The following MIOS variants were observed in gnomAD, a reference collection of about 807,000 sequenced individuals.
MIOS encodes the protein meiosis regulator for oocyte development.
Under a neutral mutation model 96.9 loss-of-function variants are expected in MIOS, and 52 were observed. The observed-to-expected ratio is 0.54, with a 90% CI of 0.43 to 0.68. The LOEUF (loss-of-function observed/expected upper bound fraction) is 0.68, where lower values mean the gene tolerates loss of function less well. Ranked by LOEUF, MIOS falls within the 30% of genes least tolerant of loss-of-function variation. The pLI is 0.00. For synonymous variants in MIOS, 397 were observed against 359.5 expected (o/e 1.10, Z -1.18); for missense variants, 1,005 against 1,052.8 (o/e 0.95, Z 0.63).
chr7:7,572,379 A>G lies in MIOS; in HGVS notation c.-40-57A>G. On this transcript the variant is annotated intron_variant, in intron 3 of 12. Coordinates refer to ENST00000340080, the MANE Select transcript of MIOS (RefSeq NM_019005.4). The surrounding 1 kb of genome is among the most constrained non-coding windows in gnomAD (Gnocchi z 4.8). ...TCTGACTTTCTGAATAGTTTATTCAACGTAAGAATTATATTTTGCTGATAT... is the reference window on the plus strand; with the variant it reads ...TCTGACTTTCTGAATAGTTTATTCAGCGTAAGAATTATATTTTGCTGATAT... The G allele has an allele frequency of 1.2e-6, 1 of 862,490 alleles. No individual in the cohort carries two copies. Among genetic ancestry groups the G allele is most frequent in the East Asian group, 2.7e-5 (1 of 36,800 alleles). 53.4% of individuals were successfully genotyped at this position (862,490 alleles called of 1,614,324 possible). A position where few individuals can be genotyped will look rare whatever the true frequency, so the allele number is the denominator to read the frequency against.
chr7:7,603,988 C>T (rs1784453108), intron 11 of MIOS, among the ~76,000 whole-genome samples: 1 of 151,370 alleles, frequency 6.6e-6, no homozygotes, highest in Non-Finnish European at 1.5e-5. Context: ...CGCATGTTCT[C>T]ACTGACAGGC....
At chr7:7,594,862 C>CAA (rs58139181) in intron 9 of MIOS, 118 bp from the exon 10 acceptor site, 46,868 of 373,812 alleles carry the variant, frequency 0.13, 1,385 homozygotes, top group African/African-American at 0.26. Context: ...CAGCTTTTGG[C>CAA]AAAAAAAAAA....
chr7:7,595,654 G>A (rs781095025), intron 10 of MIOS, among the ~76,000 whole-genome samples: 2 of 152,080 alleles, frequency 1.3e-5, no homozygotes, highest in African/African-American at 2.4e-5. Flanking sequence ...ACTGGATGGT[G>A]CTATTTTCTT....
chr7:7,574,214 C>A lies in MIOS; in HGVS notation c.1393+18C>A. 1 of 1,530,984 alleles carries A rather than the reference C, an allele frequency of 6.5e-7. No homozygotes were observed. The highest frequency in any genetic ancestry group is 1.4e-5 in the African/African-American group (1 of 72,768). The allele number at this position is 1,530,984 out of a possible 1,614,324, so 94.8% of individuals were successfully genotyped here. A position where few individuals can be genotyped will look rare whatever the true frequency, so the allele number is the denominator to read the frequency against. The stretch of plus-strand genomic sequence containing the variant: ...ATCGTTGGGTAAGAAAATTCTATTT[C>A]ATTTTCTCCAATATGTTTATAACTT... On this transcript the variant is annotated intron_variant, in intron 5 of 12. Transcript: ENST00000340080.
At chr7:7,590,550 C>T (rs1583644837) in intron 9 of MIOS, among the ~76,000 whole-genome samples, 1 of 152,134 alleles carries the variant, frequency 6.6e-6, no homozygotes, top group East Asian at 1.9e-4. Flanking sequence ...TGGAGTGTTT[C>T]CTTCATTTAC....
At position 7,595,125 on chromosome 7, in the gene MIOS, T is replaced by A. The variant is rs765700105; in HGVS notation, c.2189T>A (p.Leu730Ter). Reference sequence around the variant, plus strand: ...AAGTTGGATCCCAGTTCCAAGCCTTTAGCACAAGTAAGTACATTGTTTTGG... The same window carrying A: ...AAGTTGGATCCCAGTTCCAAGCCTTAAGCACAAGTAAGTACATTGTTTTGG... Reference protein sequence around the residue: ...RSKLDPSSKPLAQVFVSCNFC... With the variant: ...RSKLDPSSKP Residue 730 changes from leucine to a stop codon, truncating the protein, a stop_gained, in exon 10 of 13, where the codon TTA becomes TAA. Coordinates refer to ENST00000340080, the MANE Select transcript of MIOS (RefSeq NM_019005.4). LOFTEE classifies it high-confidence loss of function. 6.2e-7 allele frequency: 1 copy of A among 1,610,340 alleles called. No individual in the cohort carries two copies. The highest frequency in any genetic ancestry group is 1.7e-5 in the Admixed American group (1 of 58,926).
chr7:7,601,588 C>T (rs1173479436), intron 11 of MIOS, among the ~76,000 whole-genome samples: 4 of 152,130 alleles, frequency 2.6e-5, no homozygotes, highest in Admixed American at 6.5e-5. Flanking sequence ...TAATAGCTTA[C>T]CAACCAAAAA....
chr7:7,572,912 A>T lies in MIOS; in HGVS notation c.437A>T (p.Asp146Val). The T allele has an allele frequency of 3.7e-6, 6 of 1,614,182 alleles. No homozygotes were observed. The highest frequency in any genetic ancestry group is 5.1e-6 in the Non-Finnish European group (6 of 1,180,016). Residue 146 changes from aspartate (D) to valine (V), a missense_variant, in exon 4 of 13, where the codon GAT becomes GTT. Physicochemically the swap from Asp to Val is radical, Grantham distance 152. Coordinates refer to ENST00000340080, the MANE Select transcript of MIOS (RefSeq NM_019005.4). The surrounding 1 kb of genome is among the most constrained non-coding windows in gnomAD (Gnocchi z 4.8). The stretch of plus-strand genomic sequence containing the variant: ...GCTGACTTTTCAGTGCTAATATGGG[A>T]TATCTGCAGCAAATATACTCCTGAT... The part of the protein sequence containing the change: ...HRADFSVLIW[D>V]ICSKYTPDIV...
chr7:7,595,254 C>A, intron 10 of MIOS, 122 bp downstream of exon 10: 1 of 1,071,638 alleles, frequency 9.3e-7, no homozygotes, highest in Non-Finnish European at 1.3e-6. Flanking sequence ...CTTTTGTAGA[C>A]TGAACTTTGT....
intron 5 of MIOS, chr7:7,581,790 T>A (rs1276544699): frequency 6.6e-6 from 1 of 152,218 alleles, no homozygotes; most frequent in Non-Finnish European, 1.5e-5. Flanking sequence ...GAGATCTGTC[T>A]CCTGCTGCTT....
chr7:7,583,603 A>G (rs1030530443), intron 6 of MIOS, among the ~76,000 whole-genome samples: 4 of 152,152 alleles, frequency 2.6e-5, no homozygotes, highest in Admixed American at 1.3e-4. Context: ...AAATGTTAGT[A>G]TAATATTATA....
Position 7,597,492 on chromosome 7 carries a change from AT to A in MIOS, c.2401+1032del, listed in dbSNP as rs1563040910. 6.5e-3 allele frequency among the ~76,000 whole-genome samples: 412 copies of A among 63,500 alleles called. 44 individuals carry two copies. The highest frequency in any genetic ancestry group is 8.8e-3 in the Non-Finnish European group (271 of 30,828). The allele number at this position is 63,500 out of a possible 152,430, so 41.7% of individuals were successfully genotyped here. A position where few individuals can be genotyped will look rare whatever the true frequency, so the allele number is the denominator to read the frequency against. On this transcript the variant is annotated intron_variant, in intron 11 of 12. Coordinates refer to ENST00000340080, the MANE Select transcript of MIOS (RefSeq NM_019005.4). ...TTTATATATATATATATATATATAT[AT>A]ATATATATATATATATATATATATG...
At chr7:7,594,158 T>TA (rs1784134187) in intron 9 of MIOS, among the ~76,000 whole-genome samples, 1 of 152,188 alleles carries the variant, frequency 6.6e-6, no homozygotes, top group African/African-American at 2.4e-5. Context: ...ATGTATGTTT[T>TA]AATTGAAGGC....
At chr7:7,588,252 T>G (rs1783947882) in intron 7 of MIOS, among the ~76,000 whole-genome samples, 1 of 152,172 alleles carries the variant, frequency 6.6e-6, no homozygotes, top group South Asian at 2.1e-4. Flanking sequence ...TTTTAAAAAC[T>G]GAATTTGGCT....
At chr7:7,593,879 C>CAG (rs1554301424) in intron 9 of MIOS, among the ~76,000 whole-genome samples, 3 of 47,864 alleles carry the variant, frequency 6.3e-5, no homozygotes, top group African/African-American at 2.0e-4. Context: ...ACTCTGTCTC[C>CAG]AAAAAAAAAA....
At chr7:7,604,238 C>T (rs1784462871) in intron 11 of MIOS, among the ~76,000 whole-genome samples, 1 of 151,934 alleles carries the variant, frequency 6.6e-6, no homozygotes, top group Non-Finnish European at 1.5e-5. Context: ...AAATAAAGTG[C>T]TGGCTAGTGG....
At chr7:7,600,626 T>C (rs1784348146) in intron 11 of MIOS, among the ~76,000 whole-genome samples, 1 of 152,128 alleles carries the variant, frequency 6.6e-6, no homozygotes, top group African/African-American at 2.4e-5. Flanking sequence ...TGGGAGACTT[T>C]AACACCCCAC....
chr7:7,570,053 T>C (rs1436537797), intron 3 of MIOS, among the ~76,000 whole-genome samples: 1 of 152,202 alleles, frequency 6.6e-6, no homozygotes. Context: ...GTCAAGGTTG[T>C]GTTGTAGAAA....
In MIOS at chr7:7,605,463, T is replaced by G. The variant is rs1025596669; in HGVS notation, c.2402-479T>G. 2.0e-5 allele frequency: 3 copies of G among 152,486 alleles called. No individual in the cohort carries two copies. The East Asian group carries it at 5.8e-4, about 29-fold the overall frequency. 9.4% of individuals were successfully genotyped at this position (152,486 alleles called of 1,614,324 possible). ...GCATGTGTCACCACCCCCGGCCAATTTTTGTATTTTTAACAGAGACGGAGT... is the reference window on the plus strand; with the variant it reads ...GCATGTGTCACCACCCCCGGCCAATGTTTGTATTTTTAACAGAGACGGAGT... On this transcript the variant is annotated intron_variant, in intron 11 of 12. Transcript: ENST00000340080.
Sources: allele counts gnomAD v4.1 joint callset (sites outside exome capture counted in the v4.1 genomes callset), GRCh38; gene constraint gnomAD v4.1.1; non-coding constraint Gnocchi (gnomAD v3.1); transcripts MANE v1.5; gene names NCBI Gene and HGNC (gene_info 2026-07-23, HGNC 2026-07-21).